Variants in DCP1A observed in about 807,000 individuals in gnomAD.
The protein encoded by DCP1A is mRNA-decapping enzyme 1A.
Under a neutral mutation model 58.0 loss-of-function variants are expected in DCP1A, and 20 were observed. The observed-to-expected ratio is 0.34, with a 90% confidence interval of 0.24 to 0.50. The LOEUF (loss-of-function observed/expected upper bound fraction) is 0.50. Ranked by LOEUF, DCP1A falls within the 20% of genes least tolerant of loss-of-function variation. The pLI is 0.98. For synonymous variants in DCP1A, 285 were observed against 275.1 expected, an observed-to-expected ratio of 1.04 and a Z score of -0.36; for missense variants, 613 against 712.2, an observed-to-expected ratio of 0.86 and a Z score of 1.59.
chr3:53,315,398 TG>T (rs2106841860), intron 4 of DCP1A, among the ~76,000 whole-genome samples: 2 of 151,772 alleles, frequency 1.3e-5, no homozygotes, highest in Admixed American at 1.3e-4. Context: ...ATTAGCTGGG[TG>T]CAGTGGCAGG....
At chr3:53,326,819 T>C (rs1417629341) in intron 3 of DCP1A, among the ~76,000 whole-genome samples, 1 of 152,212 alleles carries the variant, frequency 6.6e-6, no homozygotes, top group Non-Finnish European at 1.5e-5. Flanking sequence ...AGAAATAAAG[T>C]ACACAATAAA....
chr3:53,297,337 A>G (rs556833385), intron 6 of DCP1A, among the ~76,000 whole-genome samples: 5 of 151,446 alleles, frequency 3.3e-5, no homozygotes, highest in African/African-American at 1.2e-4. Flanking sequence ...AAAAAAAAGT[A>G]TTGGAAAACA....
chr3:53,338,962 T>C (rs1441783719), intron 3 of DCP1A, among the ~76,000 whole-genome samples: 1 of 151,858 alleles, frequency 6.6e-6, no homozygotes, highest in Admixed American at 6.6e-5. Flanking sequence ...ACTCCAAAAA[T>C]TAATTTGAAT....
intron 6 of DCP1A, among the ~76,000 whole-genome samples, chr3:53,303,708 A>C (rs995500992): frequency 6.6e-6 from 1 of 152,330 alleles, no homozygotes; most frequent in South Asian, 2.1e-4. Flanking sequence ...GTCTCGAGGC[A>C]GGAACATATC....
In DCP1A at chr3:53,306,931, CTTTTTTT is replaced by C. The variant is rs1159787111; in HGVS notation, c.511-2648_511-2642del. 1.2e-4 allele frequency among the ~76,000 whole-genome samples: 12 copies of C among 101,588 alleles called. No individual in the cohort carries two copies. The South Asian group carries it at 2.3e-3, about 20-fold the overall frequency. The allele number at this position is 101,588 out of a possible 152,430, so 66.6% of individuals were successfully genotyped here. ...CACCAACCATGTTGCCCAGGCTGTT[CTTTTTTT>C]TTTTTTTTTTTTTTTGTGGACTGAG... On this transcript the variant is annotated intron_variant, in intron 5 of 9. Transcript: ENST00000610213.
intron 2 of DCP1A, among the ~76,000 whole-genome samples, chr3:53,344,616 T>C (rs1252365693): frequency 6.6e-6 from 1 of 152,166 alleles, no homozygotes; most frequent in Non-Finnish European, 1.5e-5. Flanking sequence ...CTTTCTAATA[T>C]GGGGGTAGGA....
intron 4 of DCP1A, among the ~76,000 whole-genome samples, chr3:53,318,609 A>AT (rs1210782394): frequency 2.6e-5 from 4 of 152,208 alleles, no homozygotes; most frequent in Non-Finnish European, 5.9e-5. Context: ...AGAATCCAGA[A>AT]TGGCAGTCCA....
At chr3:53,341,788 T>A (rs1392974448) in intron 3 of DCP1A, among the ~76,000 whole-genome samples, 1 of 152,154 alleles carries the variant, frequency 6.6e-6, no homozygotes, top group Non-Finnish European at 1.5e-5. Flanking sequence ...CACTGCAACC[T>A]CCACCTCCCA....
chr3:53,324,214 A>G (rs1490415337), intron 3 of DCP1A, among the ~76,000 whole-genome samples: 1 of 152,246 alleles, frequency 6.6e-6, no homozygotes, highest in Admixed American at 6.5e-5. Context: ...AGCCATAATG[A>G]TAGCTTAATG....
At chr3:53,320,980 G>A (rs886830177) in intron 3 of DCP1A, among the ~76,000 whole-genome samples, 4 of 152,242 alleles carry the variant, frequency 2.6e-5, no homozygotes, top group South Asian at 2.1e-4. Context: ...GTCCCCTGGC[G>A]GCCAATTATT....
chr3:53,339,262 C>T (rs2106893211), intron 3 of DCP1A, among the ~76,000 whole-genome samples: 1 of 152,334 alleles, frequency 6.6e-6, no homozygotes, highest in South Asian at 2.1e-4. Context: ...CTCCCCAATA[C>T]AGCTATTCCT....
At chr3:53,310,861 C>T (rs1707622626) in intron 5 of DCP1A, among the ~76,000 whole-genome samples, 1 of 152,178 alleles carries the variant, frequency 6.6e-6, no homozygotes, top group African/African-American at 2.4e-5. Flanking sequence ...TGTAGAAGGT[C>T]TATGTAGTTT....
intron 3 of DCP1A, among the ~76,000 whole-genome samples, chr3:53,327,042 A>G (rs1708129352): frequency 6.7e-6 from 1 of 149,794 alleles, no homozygotes; most frequent in South Asian, 2.1e-4. Flanking sequence ...TTTATGTATC[A>G]TAAGGGAGAG....
At chr3:53,332,979 C>A (rs1553691494) in intron 3 of DCP1A, 1 of 151,950 alleles carries the variant, frequency 6.6e-6, no homozygotes, top group Non-Finnish European at 1.5e-5. Context: ...CTATATGTGG[C>A]AATTTTTATA....
At chr3:53,344,624 G>A (rs1290466883) in intron 2 of DCP1A, among the ~76,000 whole-genome samples, 4 of 152,132 alleles carry the variant, frequency 2.6e-5, no homozygotes, top group Admixed American at 2.6e-4. Context: ...TATGGGGGTA[G>A]GAAGAGAGAC....
chr3:53,291,459 C>A (rs1279520024), intron 7 of DCP1A, among the ~76,000 whole-genome samples: 1 of 150,176 alleles, frequency 6.7e-6, no homozygotes, highest in African/African-American at 2.5e-5. Context: ...CATTCACCAT[C>A]CCCACCTCCC....
At position 53,286,860 on chromosome 3, in the gene DCP1A, C is replaced by T. The variant is rs1215792615; in HGVS notation, c.*720G>A. 1 of 152,232 alleles carries T rather than the reference C, an allele frequency of 6.6e-6. No individual in the cohort carries two copies. Among genetic ancestry groups the T allele is most frequent in the African/African-American group, 2.4e-5 (1 of 41,452 alleles). 9.4% of individuals were successfully genotyped at this position (152,232 alleles called of 1,614,324 possible). A position where few individuals can be genotyped will look rare whatever the true frequency, so the allele number is the denominator to read the frequency against. On this transcript the variant is annotated 3_prime_UTR_variant, in exon 10 of 10. Coordinates refer to ENST00000610213, the MANE Select transcript of DCP1A (RefSeq NM_018403.7). ...AGGATGTGGGCATTCCCAGCCCCAG[C>T]CTTTCCTTCAAAGGTATGACATGCC... is the stretch of plus-strand genomic sequence containing the variant.
At chr3:53,291,026 C>T (rs568044609) in intron 7 of DCP1A, among the ~76,000 whole-genome samples, 170 bp from the exon 8 acceptor site, 9 of 152,246 alleles carry the variant, frequency 5.9e-5, no homozygotes, top group African/African-American at 2.2e-4. Flanking sequence ...TGACAGGAAC[C>T]TGTAACCATG....
chr3:53,329,028 G>A (rs562554074), intron 3 of DCP1A: 20 of 234,652 alleles, frequency 8.5e-5, no homozygotes, highest in South Asian at 7.2e-4. Context: ...AATGAATCAC[G>A]GAAATTTTCT....
Sources: allele counts gnomAD v4.1 joint callset (sites outside exome capture counted in the v4.1 genomes callset), GRCh38; gene constraint gnomAD v4.1.1; transcripts MANE v1.5; gene names NCBI Gene and HGNC (gene_info 2026-07-23, HGNC 2026-07-21).